Variants in TMEM132D observed in about 807,000 individuals in gnomAD.
TMEM132D encodes the protein mature OL transmembrane protein.
A neutral mutation model predicts 62.3 loss-of-function variants in TMEM132D; 21 were observed. The observed-to-expected ratio is 0.34, with a 90% CI of 0.24 to 0.49. The LOEUF is 0.49. TMEM132D is among the 20% of genes least tolerant of loss of function. TMEM132D has a pLI of 0.99. For synonymous variants in TMEM132D, 621 were observed against 575.6 expected (o/e 1.08, Z -1.13); for missense variants, 1,346 against 1,402.8 (o/e 0.96, Z 0.65).
At chr12:129,420,309 T>TTTTTTTTC (rs1872270121) in intron 3 of TMEM132D, among the ~76,000 whole-genome samples, 1 of 37,780 alleles carries the variant, frequency 2.6e-5, no homozygotes, top group Non-Finnish European at 8.6e-5. Context: ...GTTCTCTGTT[T>TTTTTTTTC]TTTTTTTTTT....
chr12:129,296,096 A>G (rs1375195899), intron 4 of TMEM132D, among the ~76,000 whole-genome samples: 4 of 152,032 alleles, frequency 2.6e-5, no homozygotes, highest in Non-Finnish European at 5.9e-5. Flanking sequence ...ATATATATAT[A>G]TATACATATG....
rs564362440 is a variant in TMEM132D, at chr12:129,305,795, G to A, written c.1299+31839C>T. 7.2e-5 allele frequency among the ~76,000 whole-genome samples: 11 copies of A among 152,264 alleles called. No individual in the cohort carries two copies. In the South Asian group the frequency reaches 1.2e-3, roughly 17 times the overall value. ...ATGGACATTACAAGGTCCGGTCCAC[G>A]CAAGGTCTTTGTGAGCAGTGCTGGG... On this transcript the variant is annotated intron_variant, in intron 4 of 8. Coordinates refer to ENST00000422113, the MANE Select transcript of TMEM132D (RefSeq NM_133448.3).
At chr12:129,641,683 C>A (rs1879644346) in intron 2 of TMEM132D, among the ~76,000 whole-genome samples, 2 of 152,118 alleles carry the variant, frequency 1.3e-5, no homozygotes, top group Admixed American at 1.3e-4. Flanking sequence ...TCTGCCAGGG[C>A]CAGAGTGACA....
At chr12:129,669,376 C>T (rs989027833) in intron 2 of TMEM132D, among the ~76,000 whole-genome samples, 1 of 152,072 alleles carries the variant, frequency 6.6e-6, no homozygotes, top group South Asian at 2.1e-4. Flanking sequence ...GGTTAGAAGT[C>T]CCCAAACTAA....
intron 4 of TMEM132D, among the ~76,000 whole-genome samples, chr12:129,282,106 AC>A (rs141328608): frequency 0.019 from 2,834 of 152,132 alleles, 86 homozygotes; most frequent in African/African-American, 0.066. Context: ...CTCCTACAAA[AC>A]CCAACCTAAG....
intron 2 of TMEM132D, among the ~76,000 whole-genome samples, chr12:129,623,705 A>ATATATACATATATATACATACATATACG (rs1326567684): frequency 3.9e-4 from 55 of 140,818 alleles, no homozygotes; most frequent in African/African-American, 1.5e-3. Flanking sequence ...ATATATATAC[A>ATATATACATATATATACATACATATACG]TACATATGCA....
chr12:129,756,561 C>G (rs1308702002), intron 1 of TMEM132D, among the ~76,000 whole-genome samples: 1 of 152,170 alleles, frequency 6.6e-6, no homozygotes, highest in Non-Finnish European at 1.5e-5. Flanking sequence ...GGGTGCAGAG[C>G]TGCAGCTTCG....
intron 3 of TMEM132D, among the ~76,000 whole-genome samples, chr12:129,361,011 C>G (rs538987345): frequency 6.6e-6 from 1 of 152,144 alleles, no homozygotes; most frequent in Non-Finnish European, 1.5e-5. Context: ...CCTGTGTTCA[C>G]GGCATCCTGG....
intron 3 of TMEM132D, among the ~76,000 whole-genome samples, chr12:129,399,838 C>A (rs1310485925): frequency 1.3e-5 from 2 of 151,732 alleles, no homozygotes; most frequent in Non-Finnish European, 1.5e-5. Context: ...CAAATATACA[C>A]TGATGAACAG....
intron 5 of TMEM132D, among the ~76,000 whole-genome samples, chr12:129,135,113 G>A (rs558062820): frequency 6.6e-6 from 1 of 152,346 alleles, no homozygotes; most frequent in South Asian, 2.1e-4. Context: ...AGGCAGCCCT[G>A]TGGGCAGAGA....
intron 1 of TMEM132D, among the ~76,000 whole-genome samples, chr12:129,826,826 C>T (rs549693824): frequency 3.2e-4 from 49 of 152,050 alleles, no homozygotes; most frequent in Non-Finnish European, 5.1e-4. Flanking sequence ...GGAGAAGCTT[C>T]GCTGGTCAAC....
intron 1 of TMEM132D, among the ~76,000 whole-genome samples, chr12:129,730,502 C>G (rs1002945560): frequency 6.6e-6 from 1 of 152,148 alleles, no homozygotes; most frequent in Admixed American, 6.5e-5. Context: ...TGAATCACAA[C>G]TTGGCTTCCT....
intron 2 of TMEM132D, among the ~76,000 whole-genome samples, chr12:129,614,774 G>A (rs894104816): frequency 7.9e-5 from 12 of 152,138 alleles, no homozygotes; most frequent in East Asian, 3.9e-4. Context: ...CATGCACACC[G>A]GGGAATTCCA....
At position 129,875,431 on chromosome 12, in the gene TMEM132D, G is replaced by A. The variant is rs181885525; in HGVS notation, c.79+27830C>T. Among the ~76,000 whole-genome samples the A allele has an allele frequency of 1.2e-4, 18 of 152,292 alleles. No individual in the cohort carries two copies. The East Asian group carries it at 2.7e-3, about 23-fold the overall frequency. ...GGAAAGCCGAGACCATGGTGCCAGC[G>A]TGGTTAGTTCCTGGTAAGGGCCCGG... On this transcript the variant is annotated intron_variant, in intron 1 of 8. Transcript: ENST00000422113.
intron 3 of TMEM132D, among the ~76,000 whole-genome samples, chr12:129,481,478 A>C (rs1226276275): frequency 2.4e-5 from 2 of 83,392 alleles, no homozygotes; most frequent in African/African-American, 7.8e-5. Flanking sequence ...AAAAAAAAAA[A>C]ACCCACAAAA....
chr12:129,187,823 C>T (rs1473286653), intron 5 of TMEM132D, among the ~76,000 whole-genome samples: 1 of 152,246 alleles, frequency 6.6e-6, no homozygotes, highest in East Asian at 1.9e-4. Context: ...AACAGTTTCT[C>T]CACTCTTACG....
At chr12:129,778,305 C>T (rs1323560338) in intron 1 of TMEM132D, among the ~76,000 whole-genome samples, 1 of 152,028 alleles carries the variant, frequency 6.6e-6, no homozygotes, top group Non-Finnish European at 1.5e-5. Context: ...GACTCTCATA[C>T]CTCACTGATT....
intron 4 of TMEM132D, among the ~76,000 whole-genome samples, chr12:129,279,123 C>T (rs1327702801): frequency 6.6e-6 from 1 of 152,096 alleles, no homozygotes; most frequent in Non-Finnish European, 1.5e-5. Flanking sequence ...ACAAAACACA[C>T]AAAAAGAACC....
intron 2 of TMEM132D, among the ~76,000 whole-genome samples, chr12:129,601,681 A>C (rs1170824096): frequency 1.3e-5 from 2 of 152,020 alleles, no homozygotes; most frequent in Non-Finnish European, 2.9e-5. Context: ...AGGGAGAGAG[A>C]TAGAAGAATA....
Sources: allele counts gnomAD v4.1 joint callset (sites outside exome capture counted in the v4.1 genomes callset), GRCh38; gene constraint gnomAD v4.1.1; transcripts MANE v1.5; gene names NCBI Gene and HGNC (gene_info 2026-07-23, HGNC 2026-07-21).